The following SHANK2 variants were observed in gnomAD, a reference collection of about 807,000 sequenced individuals.
SHANK2 encodes SH3 and multiple ankyrin repeat domains 2.
A neutral mutation model predicts 133.7 loss-of-function variants in SHANK2; 43 were observed. That is an observed-to-expected ratio of 0.32 (90% CI 0.25 to 0.41). The LOEUF is 0.41. Among genes scored for constraint, SHANK2 ranks in the 10% least tolerant of loss-of-function variants. The probability of loss-of-function intolerance (pLI) is 1.00; values close to 1 mark genes in which losing one functional copy is unlikely to be tolerated. For missense variants in SHANK2, 1,994 were observed against 2,235.8 expected, an observed-to-expected ratio of 0.89 and a Z score of 2.18; for synonymous variants, 1,017 against 952.8, an observed-to-expected ratio of 1.07 and a Z score of -1.24.
At chr11:71,134,135 C>T (rs1315282487) in intron 3 of SHANK2, among the ~76,000 whole-genome samples, 5 of 151,782 alleles carry the variant, frequency 3.3e-5, no homozygotes, top group Non-Finnish European at 1.5e-5. Context: ...GGGCACTGGA[C>T]ACAGCACAGG....
intron 17 of SHANK2, among the ~76,000 whole-genome samples, chr11:70,640,147 C>A (rs1198962877): frequency 6.6e-6 from 1 of 152,226 alleles, no homozygotes; most frequent in Non-Finnish European, 1.5e-5. Flanking sequence ...AGGTCCTAAT[C>A]TCCGGAACTG....
chr11:70,717,411 T>C (rs1409458591), intron 14 of SHANK2, among the ~76,000 whole-genome samples: 1 of 152,204 alleles, frequency 6.6e-6, no homozygotes, highest in Non-Finnish European at 1.5e-5. Flanking sequence ...GAGAAGCCTG[T>C]TTCCTCCCGA....
At chr11:70,544,618 C>A (rs1380825477) in intron 17 of SHANK2, among the ~76,000 whole-genome samples, 1 of 152,352 alleles carries the variant, frequency 6.6e-6, no homozygotes, top group Middle Eastern at 3.4e-3. Flanking sequence ...CATCCCAACA[C>A]CCCCTCCCTG....
intron 17 of SHANK2, among the ~76,000 whole-genome samples, chr11:70,605,844 A>G (rs1296471633): frequency 2.0e-5 from 3 of 152,208 alleles, no homozygotes; most frequent in Non-Finnish European, 2.9e-5. Context: ...GCTGGCAGCA[A>G]GACCACTTTC....
At chr11:71,176,431 CA>C (rs1179438013) in intron 2 of SHANK2, among the ~76,000 whole-genome samples, 1 of 151,966 alleles carries the variant, frequency 6.6e-6, no homozygotes. Flanking sequence ...CAAAAGTAAG[CA>C]AAAATACCAA....
intron 17 of SHANK2, among the ~76,000 whole-genome samples, chr11:70,560,418 G>A (rs894077302): frequency 6.6e-6 from 1 of 151,292 alleles, no homozygotes; most frequent in East Asian, 1.9e-4. Flanking sequence ...TCATGTGGCA[G>A]GAGACTGAAT....
chr11:70,661,103 A>G (rs111682228), intron 16 of SHANK2, among the ~76,000 whole-genome samples: 184 of 152,194 alleles, frequency 1.2e-3, no homozygotes, highest in African/African-American at 4.2e-3. Flanking sequence ...TTGCAAAGTC[A>G]CCTTAGAGGT....
At chr11:70,658,367 C>T (rs1366138691) in intron 17 of SHANK2, among the ~76,000 whole-genome samples, 5 of 151,842 alleles carry the variant, frequency 3.3e-5, no homozygotes, top group Non-Finnish European at 5.9e-5. Flanking sequence ...ATGATTCAAC[C>T]CAGGCCCTCT....
chr11:70,779,752 A>G (rs972191167), intron 14 of SHANK2, among the ~76,000 whole-genome samples: 2 of 152,148 alleles, frequency 1.3e-5, no homozygotes, highest in African/African-American at 2.4e-5. Flanking sequence ...TGCTGAAGGC[A>G]TATCTCTAAC....
chr11:70,834,749 G>T (rs1948781095), intron 11 of SHANK2, among the ~76,000 whole-genome samples: 3 of 152,224 alleles, frequency 2.0e-5, no homozygotes, highest in African/African-American at 7.2e-5. Context: ...AGAGGTAGGA[G>T]TCTGTGGTGT....
In SHANK2 at chr11:70,472,653, G is replaced by T. The variant is rs1340153905; in HGVS notation, c.*216C>A. On this transcript the variant is annotated 3_prime_UTR_variant, in exon 26 of 26. Coordinates refer to ENST00000601538, the MANE Select transcript of SHANK2 (RefSeq NM_012309.5). The surrounding 1 kb of genome is among the most constrained non-coding windows in gnomAD (Gnocchi z 4.4). ...GAAAAACTCCCTCCCCTTGTCCCAT[G>T]TGTGATAGAAACTGCCCAAGACACC... The T allele has an allele frequency of 1.0e-5, 6 of 598,270 alleles. No homozygotes were observed. In the African/African-American group the frequency reaches 1.1e-4, roughly 11 times the overall value. The allele number at this position is 598,270 out of a possible 1,614,324, so 37.1% of individuals were successfully genotyped here. A position where few individuals can be genotyped will look rare whatever the true frequency, so the allele number is the denominator to read the frequency against.
At chr11:70,793,350 G>A (rs1947836794) in intron 14 of SHANK2, among the ~76,000 whole-genome samples, 1 of 152,186 alleles carries the variant, frequency 6.6e-6, no homozygotes, top group African/African-American at 2.4e-5. Flanking sequence ...GATGTGAGGT[G>A]GTGGTGTCCT....
At chr11:70,876,806 G>C (rs1352938609) in intron 11 of SHANK2, among the ~76,000 whole-genome samples, 1 of 152,086 alleles carries the variant, frequency 6.6e-6, no homozygotes, top group Non-Finnish European at 1.5e-5. Flanking sequence ...TCTGAGCAAC[G>C]GTGGGGTAGG....
intron 17 of SHANK2, among the ~76,000 whole-genome samples, chr11:70,600,146 C>T (rs2060473187): frequency 6.6e-6 from 1 of 151,932 alleles, no homozygotes; most frequent in South Asian, 2.1e-4. Flanking sequence ...GGAGCAGGCA[C>T]GGTGGCTCAC....
chr11:70,948,476 C>A, intron 10 of SHANK2: 1 of 431,520 alleles, frequency 2.3e-6, no homozygotes, highest in Non-Finnish European at 4.8e-6. Flanking sequence ...CTTTGGGTTA[C>A]CCAGGTTTCT....
chr11:70,746,205 T>A (rs1946633796), intron 14 of SHANK2, among the ~76,000 whole-genome samples: 1 of 152,222 alleles, frequency 6.6e-6, no homozygotes, highest in Non-Finnish European at 1.5e-5. Flanking sequence ...CTGGGTAGCG[T>A]GCCCAGCCAC....
intron 17 of SHANK2, among the ~76,000 whole-genome samples, chr11:70,586,801 G>A (rs975935652): frequency 4.6e-5 from 7 of 152,214 alleles, no homozygotes; most frequent in East Asian, 1.9e-4. Context: ...TCCCCGGAAC[G>A]GGGAAGGACA....
intron 22 of SHANK2, 37 bp downstream of exon 22, chr11:70,492,298 G>A: frequency 6.2e-7 from 1 of 1,604,254 alleles, no homozygotes; most frequent in East Asian, 2.2e-5. Flanking sequence ...GGCACCGTCG[G>A]CCCCCGCCCT....
chr11:70,654,736 C>G (rs1463719783), intron 17 of SHANK2, among the ~76,000 whole-genome samples: 1 of 151,266 alleles, frequency 6.6e-6, no homozygotes, highest in African/African-American at 2.4e-5. Context: ...TTTTGCCACA[C>G]TGTAATTGCT....
Sources: allele counts gnomAD v4.1 joint callset (sites outside exome capture counted in the v4.1 genomes callset), GRCh38; gene constraint gnomAD v4.1.1; non-coding constraint Gnocchi (gnomAD v3.1); transcripts MANE v1.5; gene names NCBI Gene and HGNC (gene_info 2026-07-23, HGNC 2026-07-21).